ALG9: variants seen among roughly 807,000 people sequenced by gnomAD.
ALG9 encodes the protein ALG9 alpha-1,2-mannosyltransferase.
A neutral mutation model predicts 81.8 loss-of-function variants in ALG9; 55 were observed. The observed-to-expected ratio is 0.67, with a 90% CI of 0.54 to 0.84. The LOEUF (loss-of-function observed/expected upper bound fraction) is 0.84, where lower values mean the gene tolerates loss of function less well. ALG9 is among the 40% of genes least tolerant of loss of function. The pLI is 0.00. For synonymous variants in ALG9, 278 were observed against 274.3 expected (o/e 1.01, Z -0.13); for missense variants, 629 against 745.0 (o/e 0.84, Z 1.81).
At chr11:111,781,572 A>T (rs1184905528), downstream of ALG9, among the ~76,000 whole-genome samples, 1 of 152,264 alleles carries the variant, frequency 6.6e-6, no homozygotes, top group Admixed American at 6.5e-5. Context: ...CCAAAAACTT[A>T]AGATGGATCC....
At chr11:111,868,558 C>T in intron 3 of ALG9, 44 bp downstream of exon 3, 2 of 1,602,428 alleles carry the variant, frequency 1.2e-6, no homozygotes, top group Non-Finnish European at 1.7e-6. Flanking sequence ...CAGAGACTCA[C>T]CTCTTGATCA....
Position 111,838,354 on chromosome 11 carries a change from G to T in ALG9, c.1219C>A (p.Arg407=), listed in dbSNP as rs371083274. The change falls in exon 11 of 15, where the codon CGA becomes AGA. Residue 407 remains arginine, a synonymous_variant. Coordinates refer to ENST00000616540, the MANE Select transcript of ALG9 (RefSeq NM_024740.2). ...ACAGTATAGTGCTCCAGGCGATATC[G>T]TTGAAACACAAAGTGGTAACATTTC... ...FQKCYHFVFQ[R]YRLEHYTVTS... 12 of 1,613,450 alleles carry T rather than the reference G, an allele frequency of 7.4e-6. 1 individual carries two copies. The South Asian group carries it at 1.1e-4, about 15-fold the overall frequency.
chr11:111,806,463 T>C (rs1949945783), intron 14 of ALG9, among the ~76,000 whole-genome samples: 1 of 152,200 alleles, frequency 6.6e-6, no homozygotes, highest in Non-Finnish European at 1.5e-5. Flanking sequence ...TGACCACTCC[T>C]TCCTCCTGAA....
chr11:111,857,479 C>T (rs1221603665), intron 6 of ALG9, 123 bp downstream of exon 6: 7 of 1,286,590 alleles, frequency 5.4e-6, no homozygotes, highest in Non-Finnish European at 6.7e-6. Context: ...CTTCCATTTC[C>T]CAGAATCTTT....
At chr11:111,771,712 A>C in the ALG9 span, among the ~76,000 whole-genome samples, 1 of 152,156 alleles carries the variant, frequency 6.6e-6, no homozygotes, top group Non-Finnish European at 1.5e-5. Flanking sequence ...TGGCAAGATG[A>C]CCCTGGTAAA....
At chr11:111,822,160 A>T (rs1320260035) in intron 13 of ALG9, among the ~76,000 whole-genome samples, 1 of 152,174 alleles carries the variant, frequency 6.6e-6, no homozygotes, top group African/African-American at 2.4e-5. Context: ...TAAACCTAGC[A>T]CTTTGGGAGG....
intron 13 of ALG9, among the ~76,000 whole-genome samples, chr11:111,819,581 C>G (rs1330686201): frequency 6.6e-6 from 1 of 152,208 alleles, no homozygotes; most frequent in Non-Finnish European, 1.5e-5. Context: ...TTGCCCACAG[C>G]TAAGTAAAAT....
In ALG9 at chr11:111,856,055, G is replaced by A. The variant is rs535285039; in HGVS notation, c.701+1547C>T. 8.9e-4 allele frequency among the ~76,000 whole-genome samples: 135 copies of A among 152,044 alleles called. 2 individuals carry two copies. Among genetic ancestry groups the A allele is most frequent in the Non-Finnish European group, 7.9e-4 (54 of 67,994 alleles). ...ACACTTTGGGAGGCCGAGACAGGTG[G>A]ATCACGAGGTCAGGAGTTCGAGACC... On this transcript the variant is annotated intron_variant, in intron 6 of 14. Transcript: ENST00000616540.
At position 111,813,472 on chromosome 11, in the gene ALG9, C is replaced by T. The variant is rs529744906; in HGVS notation, c.1603-3699G>A. 2.0e-5 allele frequency among the ~76,000 whole-genome samples: 3 copies of T among 152,184 alleles called. No individual in the cohort carries two copies. The South Asian group carries it at 6.2e-4, about 32-fold the overall frequency. On this transcript the variant is annotated intron_variant, in intron 13 of 14. Coordinates refer to ENST00000616540, the MANE Select transcript of ALG9 (RefSeq NM_024740.2). ...AAAAAATTAGCTGGGCATGGTGGTG[C>T]ACACCTGTGGTCCTAACTACTTGGG...
chr11:111,792,149 C>A (rs909666317), intron 14 of ALG9, among the ~76,000 whole-genome samples: 3 of 152,244 alleles, frequency 2.0e-5, no homozygotes, highest in Non-Finnish European at 4.4e-5. Context: ...GTTTCCACCT[C>A]TCACTTCTTT....
At chr11:111,870,638 C>T (rs1481892527) in intron 1 of ALG9, 12 of 791,844 alleles carry the variant, frequency 1.5e-5, no homozygotes, top group Non-Finnish European at 1.8e-5. Context: ...ATCCTCCTGC[C>T]TCAGCCTTCT....
chr11:111,768,303 G>A, the ALG9 span, among the ~76,000 whole-genome samples: 7 of 152,084 alleles, frequency 4.6e-5, no homozygotes, highest in Non-Finnish European at 8.8e-5. Flanking sequence ...CATTTGTCAC[G>A]TTAAATTACT....
intron 13 of ALG9, among the ~76,000 whole-genome samples, chr11:111,833,707 C>T (rs1954765916): frequency 6.6e-6 from 1 of 152,196 alleles, no homozygotes; most frequent in Non-Finnish European, 1.5e-5. Context: ...GACACAGCTG[C>T]TACCCAGCAG....
At chr11:111,840,282 A>G (rs1459664374) in intron 10 of ALG9, among the ~76,000 whole-genome samples, 2 of 152,212 alleles carry the variant, frequency 1.3e-5, no homozygotes, top group African/African-American at 4.8e-5. Flanking sequence ...CCAGGATTAC[A>G]AAGTGCCCCA....
intron 6 of ALG9, among the ~76,000 whole-genome samples, chr11:111,855,417 CA>C (rs1271093224): frequency 9.2e-5 from 14 of 152,116 alleles, no homozygotes; most frequent in Admixed American, 9.2e-4. Flanking sequence ...AGCTGATTTA[CA>C]GGGGTCAAGA....
chr11:111,804,994 A>C, intron 14 of ALG9: 1 of 234,928 alleles, frequency 4.3e-6, no homozygotes, highest in Non-Finnish European at 8.4e-6. Context: ...TGTCCACACA[A>C]AAACCTGCAC....
chr11:111,790,036 TA>T (rs1555069050), intron 14 of ALG9, among the ~76,000 whole-genome samples: 1 of 151,606 alleles, frequency 6.6e-6, no homozygotes, highest in Non-Finnish European at 1.5e-5. Context: ...AGAATAATAA[TA>T]AAAAAACTAT....
chr11:111,850,562 C>T (rs1957602953), intron 8 of ALG9, among the ~76,000 whole-genome samples: 1 of 151,626 alleles, frequency 6.6e-6, no homozygotes, highest in African/African-American at 2.4e-5. Flanking sequence ...CAAAAATTAG[C>T]CAGGCATGGT....
chr11:111,865,445 G>A (rs1293928088), intron 3 of ALG9, among the ~76,000 whole-genome samples, 194 bp from the exon 4 acceptor site: 1 of 152,192 alleles, frequency 6.6e-6, no homozygotes, highest in African/African-American at 2.4e-5. Context: ...CCAGCTGGTG[G>A]GGGTTGGGAG....
Sources: allele counts gnomAD v4.1 joint callset (sites outside exome capture counted in the v4.1 genomes callset), GRCh38; gene constraint gnomAD v4.1.1; transcripts MANE v1.5; gene names NCBI Gene and HGNC (gene_info 2026-07-23, HGNC 2026-07-21).